The following MTOR variants were observed in gnomAD, a reference collection of about 807,000 sequenced individuals.
The protein encoded by MTOR is serine/threonine-protein kinase mTOR.
MTOR carries 70 observed loss-of-function variants against 319.8 expected under a neutral mutation model. The observed-to-expected ratio is 0.22, with a 90% CI of 0.18 to 0.27. The LOEUF (loss-of-function observed/expected upper bound fraction) is 0.27, where lower values mean the gene tolerates loss of function less well. MTOR is among the 10% of genes least tolerant of loss of function. The pLI, the probability that MTOR is intolerant of heterozygous loss-of-function variation, is 1.00. For synonymous variants in MTOR, 1,183 were observed against 1,211.4 expected, an observed-to-expected ratio of 0.98 and a Z score of 0.49; for missense variants, 1,890 against 3,274.4, an observed-to-expected ratio of 0.58 and a Z score of 10.32.
At chr1:11,162,691 A>G (rs1051006386) in intron 29 of MTOR, among the ~76,000 whole-genome samples, 6 of 152,224 alleles carry the variant, frequency 3.9e-5, no homozygotes, top group Admixed American at 2.0e-4. Flanking sequence ...ACTAAGCTTC[A>G]TAAGTGAAGG....
Position 11,134,433 on chromosome 1 carries a change from G to A in MTOR, c.5164C>T (p.Gln1722Ter), listed in dbSNP as rs1643308148. 6.2e-7 allele frequency: 1 copy of A among 1,614,062 alleles called. No individual in the cohort carries two copies. Among genetic ancestry groups the A allele is most frequent in the African/African-American group, 1.3e-5 (1 of 74,906 alleles). Residue 1722 changes from glutamine to a stop codon, truncating the protein, a stop_gained, in exon 37 of 58, where the codon CAG becomes TAG. Coordinates refer to ENST00000361445, the MANE Select transcript of MTOR (RefSeq NM_004958.4). LOFTEE classifies it high-confidence loss of function. The part of the protein sequence containing the change: ...DAFQHMQHFV[Q>*]TMQQQAQHAI... Reference sequence around the variant, plus strand: ...TGCTGGGCCTGTTGCTGCATGGTCTGGACAAAATGCTGCATGTGCTGGAAG... The same window carrying A: ...TGCTGGGCCTGTTGCTGCATGGTCTAGACAAAATGCTGCATGTGCTGGAAG...
At chr1:11,237,044 T>C (rs1046412416) in intron 13 of MTOR, among the ~76,000 whole-genome samples, 1 of 152,250 alleles carries the variant, frequency 6.6e-6, no homozygotes, top group Non-Finnish European at 1.5e-5. Context: ...TGATTTTCTA[T>C]GTTTAAGTTC....
chr1:11,167,659 C>A, intron 28 of MTOR, 142 bp from the exon 29 acceptor site: 1 of 654,472 alleles, frequency 1.5e-6, no homozygotes, highest in Admixed American at 2.4e-5. Context: ...TATCTATTAC[C>A]ATCCAGAAAG....
intron 19 of MTOR, among the ~76,000 whole-genome samples, chr1:11,225,979 T>G (rs943929106): frequency 6.6e-5 from 10 of 152,166 alleles, no homozygotes; most frequent in African/African-American, 2.4e-4. Context: ...GAGAAAATTA[T>G]AGACCAATTC....
intron 28 of MTOR, among the ~76,000 whole-genome samples, chr1:11,169,492 T>C (rs564915835): frequency 1.3e-5 from 2 of 152,214 alleles, no homozygotes; most frequent in African/African-American, 2.4e-5. Context: ...AGTCAGAAGA[T>C]GGGGTTTTTC....
intron 57 of MTOR, 28 bp downstream of exon 57, chr1:11,108,153 A>G (rs987912170): frequency 6.3e-7 from 1 of 1,589,544 alleles, no homozygotes; most frequent in Middle Eastern, 1.7e-4. Context: ...GCTTATTTTA[A>G]CAAAGTCACT....
At chr1:11,138,091 T>C (rs973240458) in intron 36 of MTOR, among the ~76,000 whole-genome samples, 6 of 152,204 alleles carry the variant, frequency 3.9e-5, no homozygotes, top group Non-Finnish European at 7.3e-5. Flanking sequence ...TGGGGTCTTA[T>C]GTTGAAAGAA....
At chr1:11,254,733 T>G (rs912840748) in intron 5 of MTOR, among the ~76,000 whole-genome samples, 1 of 152,064 alleles carries the variant, frequency 6.6e-6, no homozygotes, top group African/African-American at 2.4e-5. Flanking sequence ...GAGACACCTA[T>G]TTTTCCGTAT....
rs1213488343 is a variant in MTOR at position 11,241,669 on chromosome 1, T to C, written c.1425A>G (p.Ala475=). The change falls in exon 10 of 58, where the codon GCA becomes GCG. Residue 475 remains alanine (A), a synonymous_variant. Coordinates refer to ENST00000361445, the MANE Select transcript of MTOR (RefSeq NM_004958.4). The stretch of plus-strand genomic sequence containing the variant: ...TGAAGACTGTGGCATCCACCTGCAT[T>C]GCCTTCTGCCTCCTGTAGAGAAATG... ...PKDFAHKRQK[A]MQVDATVFTC... The C allele has an allele frequency of 1.9e-6, 3 of 1,613,032 alleles. No homozygotes were observed. The East Asian group carries it at 6.7e-5, about 36-fold the overall frequency.
At chr1:11,257,566 G>GAA (rs70977557) in intron 3 of MTOR, among the ~76,000 whole-genome samples, 249 of 64,644 alleles carry the variant, frequency 3.9e-3, no homozygotes, top group African/African-American at 9.2e-3. Flanking sequence ...CTGTCTCAGA[G>GAA]AAAAAAAAAA....
At position 11,210,926 on chromosome 1, in the gene MTOR, A is replaced by G. The variant is rs774442597; in HGVS notation, c.3562-20T>C. 24 of 1,492,734 alleles carry G rather than the reference A, an allele frequency of 1.6e-5. No homozygotes were observed. Among genetic ancestry groups the G allele is most frequent in the Non-Finnish European group, 2.2e-5 (24 of 1,073,348 alleles). 92.5% of individuals were successfully genotyped at this position (1,492,734 alleles called of 1,614,324 possible). A position where few individuals can be genotyped will look rare whatever the true frequency, so the allele number is the denominator to read the frequency against. Reference sequence around the variant, plus strand: ...TTGGTACTAAAACAGGAGGGGGAAGAGATGAGAAACTATCATTTTGGAGAG... The same window carrying G: ...TTGGTACTAAAACAGGAGGGGGAAGGGATGAGAAACTATCATTTTGGAGAG... On this transcript the variant is annotated intron_variant, in intron 23 of 57. Transcript: ENST00000361445.
At chr1:11,135,872 C>T (rs565356784) in intron 36 of MTOR, among the ~76,000 whole-genome samples, 6 of 150,492 alleles carry the variant, frequency 4.0e-5, no homozygotes, top group South Asian at 2.1e-4. Context: ...TGGTGGCTCA[C>T]GCCTGTAATC....
chr1:11,144,946 G>A lies in MTOR; in HGVS notation c.4764+22C>T, dbSNP rs771339070. 3.1e-6 allele frequency: 5 copies of A among 1,610,658 alleles called. No homozygotes were observed. The South Asian group carries it at 5.5e-5, about 18-fold the overall frequency. ...GGAAATAAGCCTCAAAAATGACAAT[G>A]TGCAGAATAGTTGACACTTACCCCA... On this transcript the variant is annotated intron_variant, in intron 33 of 57. Coordinates refer to ENST00000361445, the MANE Select transcript of MTOR (RefSeq NM_004958.4).
chr1:11,164,536 C>T (rs564313097), intron 29 of MTOR, among the ~76,000 whole-genome samples: 8 of 152,230 alleles, frequency 5.3e-5, no homozygotes, highest in African/African-American at 1.9e-4. Flanking sequence ...CCTCCCAAGA[C>T]TAAACCAGTA....
Position 11,130,575 on chromosome 1 carries a change from G to A in MTOR, c.5567C>T (p.Thr1856Ile), listed in dbSNP as rs371177430. The A allele has an allele frequency of 8.7e-6, 14 of 1,613,466 alleles. No individual in the cohort carries two copies. Among genetic ancestry groups the A allele is most frequent in the Non-Finnish European group, 1.2e-5 (14 of 1,180,020 alleles). ...CGGCGATGGGGTGGGGCTGTTCTCG[G>A]TGCTCTCGGCCTCGCTCTCACTGTT... is the stretch of plus-strand genomic sequence containing the variant. Reference protein sequence around the residue: ...GSNSESEAESTENSPTPSPLQ... With the variant: ...GSNSESEAESIENSPTPSPLQ... Residue 1856 changes from threonine to isoleucine, a missense_variant, in exon 39 of 58, where the codon ACC becomes ATC. Around this residue, in one of 15 missense-constraint regions of MTOR, gnomAD observed 91 missense variants for 90.4 expected, o/e 1.01. Coordinates refer to ENST00000361445, the MANE Select transcript of MTOR (RefSeq NM_004958.4).
At chr1:11,218,291 A>C (rs546288230) in intron 19 of MTOR, among the ~76,000 whole-genome samples, 14 of 152,146 alleles carry the variant, frequency 9.2e-5, no homozygotes, top group African/African-American at 3.4e-4. Context: ...TTAGCTGGGC[A>C]TGGTGGCATG....
chr1:11,142,172 C>A (rs1278149430), intron 34 of MTOR, among the ~76,000 whole-genome samples: 1 of 152,110 alleles, frequency 6.6e-6, no homozygotes, highest in Non-Finnish European at 1.5e-5. Context: ...ATCAGCAAAT[C>A]TCCGTTGTGT....
intron 47 of MTOR, among the ~76,000 whole-genome samples, chr1:11,122,981 A>T (rs1642622849): frequency 6.6e-6 from 1 of 152,160 alleles, no homozygotes; most frequent in South Asian, 2.1e-4. Flanking sequence ...GGAACAATCA[A>T]GTGACTAAAA....
chr1:11,253,689 A>G, intron 6 of MTOR, 150 bp downstream of exon 6: 1 of 914,376 alleles, frequency 1.1e-6, no homozygotes, highest in Non-Finnish European at 1.6e-6. Context: ...TTCTTCATAG[A>G]ACTTGCTGCT....
Sources: gnomAD v4.1 joint callset for allele counts (sites outside exome capture counted in the v4.1 genomes callset) on GRCh38, gnomAD v4.1.1 for gene constraint, gnomAD v4.1.1 regional missense constraint, MANE v1.5 for transcripts, NCBI Gene and HGNC (gene_info 2026-07-23, HGNC 2026-07-21) for gene names.